CAMTA1: variants seen among roughly 807,000 people sequenced by gnomAD.
The protein encoded by CAMTA1 is calmodulin binding transcription activator 1.
Under a neutral mutation model 170.9 loss-of-function variants are expected in CAMTA1, and 27 were observed. That is an observed-to-expected ratio of 0.16 (90% CI 0.12 to 0.22). The LOEUF is 0.22. Among genes scored for constraint, CAMTA1 ranks in the 10% least tolerant of loss-of-function variants. CAMTA1 has a pLI of 1.00. For synonymous variants in CAMTA1, 833 were observed against 891.5 expected (o/e 0.93, Z 1.17); for missense variants, 1,619 against 2,217.2 (o/e 0.73, Z 5.42).
rs1232504043 is a variant in CAMTA1, at chr1:7,641,244, G to A, written c.664+691G>A. 6.6e-6 allele frequency among the ~76,000 whole-genome samples: 1 copy of A among 152,210 alleles called. No individual in the cohort carries two copies. Among genetic ancestry groups the A allele is most frequent in the Non-Finnish European group, 1.5e-5 (1 of 68,042 alleles). ...CGGGGCTCGGGAAAAACAAACATGG[G>A]TCTGGGGCTTTCCTGACCCAAGAAG... On this transcript the variant is annotated intron_variant, in intron 7 of 22. Transcript: ENST00000303635. The surrounding 1 kb of genome is among the most constrained non-coding windows in gnomAD (Gnocchi z 4.5).
chr1:7,324,789 A>C (rs1353217448), intron 5 of CAMTA1, among the ~76,000 whole-genome samples: 1 of 143,654 alleles, frequency 7.0e-6, no homozygotes, highest in Non-Finnish European at 1.5e-5. Context: ...CCTGGGTGAC[A>C]GAGGGAGACT....
At chr1:6,872,897 C>G (rs1432097628) in intron 3 of CAMTA1, among the ~76,000 whole-genome samples, 1 of 152,186 alleles carries the variant, frequency 6.6e-6, no homozygotes, top group African/African-American at 2.4e-5. Flanking sequence ...GCTGAAGCTG[C>G]TAAATGAGTA....
chr1:6,880,063 G>T (rs1015058290), intron 3 of CAMTA1, among the ~76,000 whole-genome samples: 1 of 150,598 alleles, frequency 6.6e-6, no homozygotes, highest in South Asian at 2.1e-4. Context: ...CTCTAGTAGG[G>T]TTTTTTTTTA....
chr1:7,378,513 G>A (rs546697766), intron 5 of CAMTA1, among the ~76,000 whole-genome samples: 7 of 152,244 alleles, frequency 4.6e-5, no homozygotes, highest in African/African-American at 1.4e-4. Context: ...GCAGCAGGCC[G>A]CACATGGTGT....
chr1:7,191,855 G>T (rs1001763495), intron 4 of CAMTA1, among the ~76,000 whole-genome samples: 5 of 152,160 alleles, frequency 3.3e-5, no homozygotes, highest in African/African-American at 1.2e-4. Context: ...TCCCCTTCCT[G>T]CAGCGAGAAG....
At chr1:7,322,287 G>C (rs996096871) in intron 5 of CAMTA1, among the ~76,000 whole-genome samples, 6 of 152,174 alleles carry the variant, frequency 3.9e-5, no homozygotes, top group Admixed American at 3.9e-4. Context: ...TTTCTCATTT[G>C]GTTTCCAATT....
At chr1:7,151,043 G>A (rs1006044587) in intron 4 of CAMTA1, among the ~76,000 whole-genome samples, 3 of 152,210 alleles carry the variant, frequency 2.0e-5, no homozygotes, top group African/African-American at 7.2e-5. Context: ...AAATCTGTTG[G>A]GGGGAGCACC....
intron 4 of CAMTA1, among the ~76,000 whole-genome samples, chr1:7,174,209 A>G (rs1223503549): frequency 1.3e-5 from 2 of 152,192 alleles, no homozygotes; most frequent in Admixed American, 6.5e-5. Flanking sequence ...TCTTCTGCAG[A>G]ACTTATTAGA....
intron 11 of CAMTA1, among the ~76,000 whole-genome samples, chr1:7,705,740 G>C (rs1334541804): frequency 6.6e-6 from 1 of 152,152 alleles, no homozygotes; most frequent in Non-Finnish European, 1.5e-5. Context: ...ATCGGGCGAC[G>C]GGGGACTGTC....
intron 5 of CAMTA1, among the ~76,000 whole-genome samples, chr1:7,364,151 C>T (rs549333420): frequency 6.6e-6 from 1 of 152,340 alleles, no homozygotes; most frequent in South Asian, 2.1e-4. Flanking sequence ...TTCATTCATT[C>T]ATAAACAATG....
intron 6 of CAMTA1, among the ~76,000 whole-genome samples, chr1:7,616,481 C>T (rs1332511525): frequency 6.6e-6 from 1 of 152,228 alleles, no homozygotes; most frequent in African/African-American, 2.4e-5. Flanking sequence ...CCGGTCAGCC[C>T]AGGACTGCAA....
At chr1:6,898,225 T>C (rs1340765193) in intron 3 of CAMTA1, among the ~76,000 whole-genome samples, 1 of 152,208 alleles carries the variant, frequency 6.6e-6, no homozygotes, top group Admixed American at 6.5e-5. Context: ...TAGATCCATC[T>C]GTTGCCCATT....
At chr1:7,766,361 C>G (rs1411637442) in intron 22 of CAMTA1, 98 bp from the exon 23 acceptor site, 1 of 1,105,294 alleles carries the variant, frequency 9.0e-7, no homozygotes. Flanking sequence ...TTAGTCTTGG[C>G]TTTTCAGTTC....
intron 4 of CAMTA1, among the ~76,000 whole-genome samples, chr1:7,245,243 T>A (rs1003023170): frequency 6.6e-6 from 1 of 151,174 alleles, no homozygotes; most frequent in East Asian, 1.9e-4. Flanking sequence ...CATACATACA[T>A]ACACACACAT....
At position 7,173,087 on chromosome 1, in the gene CAMTA1, C is replaced by G. The variant is rs1650002020; in HGVS notation, c.303-76404C>G. Among the ~76,000 whole-genome samples, 1 of 152,210 alleles carries G rather than the reference C, an allele frequency of 6.6e-6. No individual in the cohort carries two copies. Among genetic ancestry groups the G allele is most frequent in the South Asian group, 2.1e-4 (1 of 4,830 alleles). On this transcript the variant is annotated intron_variant, in intron 4 of 22. Transcript: ENST00000303635. This position sits in a 1 kb window ranked among gnomAD's most constrained non-coding sequence, Gnocchi z 5.4. ...GGGTGAGGCTCCGAAGCAAGAGCAG[C>G]CAGACGCTGCGTCCCTCCTGTCTCT...
intron 4 of CAMTA1, among the ~76,000 whole-genome samples, chr1:7,244,539 T>C (rs1665434148): frequency 6.6e-6 from 1 of 151,702 alleles, no homozygotes; most frequent in Non-Finnish European, 1.5e-5. Context: ...GGCACATATA[T>C]ACCATGGAAT....
At chr1:6,834,097 T>C (rs1001386284) in intron 3 of CAMTA1, among the ~76,000 whole-genome samples, 1 of 152,036 alleles carries the variant, frequency 6.6e-6, no homozygotes, top group African/African-American at 2.4e-5. Flanking sequence ...AGGTTTTCTT[T>C]AGGAATGTTG....
chr1:7,077,265 A>G (rs4565737), intron 3 of CAMTA1, among the ~76,000 whole-genome samples: 125,694 of 146,296 alleles, frequency 0.86, 53,736 homozygotes, highest in South Asian at 0.89. Context: ...TTCTCCCTGT[A>G]TGAAAGAAGC....
intron 3 of CAMTA1, among the ~76,000 whole-genome samples, chr1:6,927,603 G>C (rs1253013951): frequency 6.6e-6 from 1 of 152,114 alleles, no homozygotes; most frequent in Non-Finnish European, 1.5e-5. Context: ...ATTGATTTTT[G>C]TGAGGTACTC....
Sources: allele counts gnomAD v4.1 joint callset (sites outside exome capture counted in the v4.1 genomes callset), GRCh38; gene constraint gnomAD v4.1.1; non-coding constraint Gnocchi (gnomAD v3.1); transcripts MANE v1.5; gene names NCBI Gene and HGNC (gene_info 2026-07-23, HGNC 2026-07-21).